The following KCNQ3 variants were observed in gnomAD, a reference collection of about 807,000 sequenced individuals.
KCNQ3 encodes the protein potassium voltage-gated channel subfamily Q member 3.
KCNQ3 carries 30 observed loss-of-function variants against 92.5 expected under a neutral mutation model. That is an observed-to-expected ratio of 0.32 (90% confidence interval 0.24 to 0.44). The LOEUF (loss-of-function observed/expected upper bound fraction) is 0.44, where lower values mean the gene tolerates loss of function less well. KCNQ3 is among the 20% of genes least tolerant of loss of function. The pLI is 1.00. For missense variants in KCNQ3, 913 were observed against 1,140.3 expected, an observed-to-expected ratio of 0.80 and a Z score of 2.87; for synonymous variants, 450 against 468.8, an observed-to-expected ratio of 0.96 and a Z score of 0.52.
chr8:132,408,707 A>G (rs772620751), intron 1 of KCNQ3, among the ~76,000 whole-genome samples: 1 of 152,212 alleles, frequency 6.6e-6, no homozygotes, highest in Non-Finnish European at 1.5e-5. Context: ...GTGAGCCATA[A>G]AAGAGGTCAG....
At position 132,384,334 on chromosome 8, in the gene KCNQ3, C is replaced by T. The variant is rs970400769; in HGVS notation, c.386+95813G>A. 7.2e-4 allele frequency among the ~76,000 whole-genome samples: 109 copies of T among 152,130 alleles called. 1 individual carries two copies. Among genetic ancestry groups the T allele is most frequent in the African/African-American group, 2.2e-3 (92 of 41,422 alleles). On this transcript the variant is annotated intron_variant, in intron 1 of 14. Transcript: ENST00000388996. ...ATGAATAAACGAAAGGATGAATGAG[C>T]GATTTCTTCACAAGAAGAGCAGATA...
intron 10 of KCNQ3, 115 bp downstream of exon 10, chr8:132,141,014 G>C: frequency 1.1e-6 from 1 of 937,812 alleles, no homozygotes; most frequent in Non-Finnish European, 1.7e-6. Flanking sequence ...GGAAGGGAGA[G>C]AGTTACCTTG....
chr8:132,400,001 T>A (rs1030877018), intron 1 of KCNQ3, among the ~76,000 whole-genome samples: 2 of 152,124 alleles, frequency 1.3e-5, no homozygotes, highest in Admixed American at 6.6e-5. Context: ...CGGGTGCCCA[T>A]GACAAGGAAG....
At chr8:132,419,996 T>C (rs1324822123) in intron 1 of KCNQ3, among the ~76,000 whole-genome samples, 1 of 152,192 alleles carries the variant, frequency 6.6e-6, no homozygotes, top group Non-Finnish European at 1.5e-5. Flanking sequence ...GAGTAGCTTA[T>C]AAACAACAGA....
At chr8:132,173,546 C>T (rs1826451058) in intron 6 of KCNQ3, among the ~76,000 whole-genome samples, 1 of 152,100 alleles carries the variant, frequency 6.6e-6, no homozygotes, top group African/African-American at 2.4e-5. Context: ...AGAAAATTTA[C>T]TAACCCAATT....
At chr8:132,342,876 TGA>T (rs754499349) in intron 1 of KCNQ3, among the ~76,000 whole-genome samples, 4 of 152,214 alleles carry the variant, frequency 2.6e-5, no homozygotes, top group Non-Finnish European at 5.9e-5. Flanking sequence ...TTCTTCATCA[TGA>T]GATATGGCTT....
intron 1 of KCNQ3, 78 bp downstream of exon 1, chr8:132,480,069 G>T: frequency 1.4e-6 from 2 of 1,413,958 alleles, no homozygotes; most frequent in South Asian, 1.2e-5. Context: ...AAGCCCCAGA[G>T]ACTTCTCAGC....
At chr8:132,331,146 C>G (rs1818216657) in intron 1 of KCNQ3, among the ~76,000 whole-genome samples, 1 of 152,144 alleles carries the variant, frequency 6.6e-6, no homozygotes, top group Non-Finnish European at 1.5e-5. Flanking sequence ...GTGCCCTTTA[C>G]CAGGAGAACT....
At chr8:132,167,316 C>A (rs1826171735) in intron 8 of KCNQ3, among the ~76,000 whole-genome samples, 1 of 152,090 alleles carries the variant, frequency 6.6e-6, no homozygotes, top group East Asian at 1.9e-4. Flanking sequence ...AGAATTTCTT[C>A]CTGGGATAAT....
chr8:132,185,362 C>T (rs540983830), intron 2 of KCNQ3, among the ~76,000 whole-genome samples: 5 of 152,372 alleles, frequency 3.3e-5, no homozygotes, highest in African/African-American at 1.2e-4. Flanking sequence ...CTCCTAATCA[C>T]GGCAAGGGTG....
At chr8:132,322,281 T>C (rs1389327794) in intron 1 of KCNQ3, among the ~76,000 whole-genome samples, 1 of 152,146 alleles carries the variant, frequency 6.6e-6, no homozygotes, top group Non-Finnish European at 1.5e-5. Flanking sequence ...CAAAGGTGAC[T>C]CTATATGCAA....
rs886062679 is a variant in KCNQ3, at chr8:132,127,249, G to A, written c.*2013C>T. On this transcript the variant is annotated 3_prime_UTR_variant, in exon 15 of 15. Coordinates refer to ENST00000388996, the MANE Select transcript of KCNQ3 (RefSeq NM_004519.4). ...TCATGTCTGATGCATTGAGCATTCT[G>A]GTATATTTCCCATCTCAGACTTCAA... The A allele has an allele frequency of 4.6e-5, 7 of 151,970 alleles. No homozygotes were observed. 9.4% of individuals were successfully genotyped at this position (151,970 alleles called of 1,614,324 possible).
intron 11 of KCNQ3, 22 bp from the exon 12 acceptor site, chr8:132,138,038 T>C: frequency 1.2e-6 from 2 of 1,604,252 alleles, no homozygotes; most frequent in South Asian, 1.1e-5. Flanking sequence ...AGTAGAGGCA[T>C]TTGTGCATCC....
intron 1 of KCNQ3, among the ~76,000 whole-genome samples, chr8:132,280,859 C>T (rs1335947426): frequency 1.3e-5 from 2 of 152,058 alleles, no homozygotes; most frequent in Non-Finnish European, 2.9e-5. Context: ...TGGCAGAGAA[C>T]ATGGTAGGAA....
rs376031008 is a variant in KCNQ3, at chr8:132,285,935, G to A, written c.387-99754C>T. Among the ~76,000 whole-genome samples, 3 of 152,176 alleles carry A rather than the reference G, an allele frequency of 2.0e-5. No homozygotes were observed. The East Asian group carries it at 5.8e-4, about 29-fold the overall frequency. ...AGTCAAAGTTCCAGTGGCCCCAGGT[G>A]TGGCTCTTCCTATCACTCTGGAATG... On this transcript the variant is annotated intron_variant, in intron 1 of 14. Coordinates refer to ENST00000388996, the MANE Select transcript of KCNQ3 (RefSeq NM_004519.4).
intron 1 of KCNQ3, among the ~76,000 whole-genome samples, chr8:132,291,421 C>G (rs926010858): frequency 1.3e-5 from 2 of 152,218 alleles, no homozygotes; most frequent in African/African-American, 4.8e-5. Context: ...TGTTGTTGTT[C>G]TCCAGGACAT....
chr8:132,380,931 G>GAAAAAAAAAAAAAAAAAAAAAAA (rs553931640), intron 1 of KCNQ3, among the ~76,000 whole-genome samples: 1 of 87,468 alleles, frequency 1.1e-5, no homozygotes, highest in Non-Finnish European at 2.5e-5. Context: ...AATGAAAGCA[G>GAAAAAAAAAAAAAAAAAAAAAAA]AAAAAAAAAA....
intron 1 of KCNQ3, chr8:132,187,251 T>C (rs1263085081): frequency 1.1e-5 from 5 of 456,074 alleles, no homozygotes; most frequent in Non-Finnish European, 2.2e-5. Flanking sequence ...ATGGCAGACG[T>C]TGCGCATACA....
At chr8:132,130,128 G>C in intron 14 of KCNQ3, 132 bp from the exon 15 acceptor site, 2 of 1,106,986 alleles carry the variant, frequency 1.8e-6, no homozygotes, top group Non-Finnish European at 2.6e-6. Context: ...TGTCACCCAG[G>C]CTGGAGTGCA....
Sources: allele counts gnomAD v4.1 joint callset (sites outside exome capture counted in the v4.1 genomes callset), GRCh38; gene constraint gnomAD v4.1.1; transcripts MANE v1.5; gene names NCBI Gene and HGNC (gene_info 2026-07-23, HGNC 2026-07-21).